LMNTD1: variants seen among roughly 807,000 people sequenced by gnomAD.
LMNTD1 encodes lamin tail domain containing 1.
LMNTD1 carries 35 observed loss-of-function variants against 50.9 expected under a neutral mutation model. The ratio of observed to expected loss-of-function variants is 0.69; its 90% CI spans 0.53 to 0.91. The LOEUF (loss-of-function observed/expected upper bound fraction) is 0.91, where lower values mean the gene tolerates loss of function less well. Ranked by LOEUF, LMNTD1 falls within the 40% of genes least tolerant of loss-of-function variation. The pLI, the probability that LMNTD1 is intolerant of heterozygous loss-of-function variation, is 0.00. For missense variants in LMNTD1, 470 were observed against 475.5 expected, an observed-to-expected ratio of 0.99 and a Z score of 0.11; for synonymous variants, 153 against 161.9, an observed-to-expected ratio of 0.94 and a Z score of 0.42.
intron 9 of LMNTD1, among the ~76,000 whole-genome samples, chr12:25,487,167 G>C (rs11502715): frequency 7.2e-6 from 1 of 139,292 alleles, no homozygotes; most frequent in African/African-American, 2.7e-5. Context: ...GTGCAGAGCT[G>C]AGTTCAATTC....
chr12:25,626,882 A>G (rs1373770612), intron 1 of LMNTD1, among the ~76,000 whole-genome samples: 5 of 152,238 alleles, frequency 3.3e-5, no homozygotes, highest in African/African-American at 9.6e-5. Flanking sequence ...TCCTTGATCA[A>G]AAAGATTTAT....
chr12:25,588,829 C>T (rs1945615868), intron 1 of LMNTD1, among the ~76,000 whole-genome samples: 1 of 151,784 alleles, frequency 6.6e-6, no homozygotes, highest in African/African-American at 2.4e-5. Flanking sequence ...GTCAAATACT[C>T]AGAAGAAAAT....
chr12:25,506,938 G>C (rs1387650845), intron 8 of LMNTD1, among the ~76,000 whole-genome samples: 7 of 151,988 alleles, frequency 4.6e-5, no homozygotes, highest in Non-Finnish European at 8.8e-5. Context: ...GGAGTGTAAT[G>C]ATGCGATCTT....
intron 1 of LMNTD1, among the ~76,000 whole-genome samples, chr12:25,598,853 TA>T (rs767088603): frequency 1.3e-5 from 2 of 151,488 alleles, no homozygotes; most frequent in African/African-American, 2.4e-5. Context: ...ATTGAAGCCA[TA>T]AAAAAAATGT....
chr12:25,566,050 T>C (rs1320214918), intron 1 of LMNTD1, among the ~76,000 whole-genome samples: 2 of 152,168 alleles, frequency 1.3e-5, no homozygotes, highest in Admixed American at 6.5e-5. Context: ...GGGAGTTTGA[T>C]TATTAAATAC....
In LMNTD1 at chr12:25,648,418, T is replaced by C; in HGVS notation, c.58+76A>G. 3.5e-6 allele frequency: 4 copies of C among 1,143,538 alleles called. No homozygotes were observed. The South Asian group carries it at 4.0e-5, about 11-fold the overall frequency. 70.8% of individuals were successfully genotyped at this position (1,143,538 alleles called of 1,614,324 possible). On this transcript the variant is annotated intron_variant, in intron 1 of 7. Transcript: ENST00000445693. ...TATGACCACTTTCTAAAGTGTCAGG[T>C]GTTAGTATAAAAAGGAAATGAGGGA...
At chr12:25,539,635 A>G (rs1369150796) in intron 4 of LMNTD1, among the ~76,000 whole-genome samples, 4 of 151,820 alleles carry the variant, frequency 2.6e-5, no homozygotes, top group Non-Finnish European at 4.4e-5. Context: ...AAGATCCAAA[A>G]TTGATACCCT....
intron 1 of LMNTD1, among the ~76,000 whole-genome samples, chr12:25,610,448 C>T (rs746041253): frequency 2.0e-5 from 3 of 152,180 alleles, no homozygotes; most frequent in Non-Finnish European, 4.4e-5. Flanking sequence ...CAGACCGGAG[C>T]TGTTCCTATT....
chr12:25,544,252 T>C (rs963401702), intron 4 of LMNTD1, among the ~76,000 whole-genome samples: 1 of 151,938 alleles, frequency 6.6e-6, no homozygotes, highest in African/African-American at 2.4e-5. Flanking sequence ...AGCTTTGGTG[T>C]GGGGTGTACA....
intron 1 of LMNTD1, among the ~76,000 whole-genome samples, chr12:25,615,485 A>G (rs944613068): frequency 2.6e-5 from 4 of 151,356 alleles, no homozygotes; most frequent in Non-Finnish European, 5.9e-5. Context: ...ACATGGTCTC[A>G]CTCTTTACTC....
At chr12:25,489,765 A>G (rs181411406) in intron 9 of LMNTD1, among the ~76,000 whole-genome samples, 1 of 152,340 alleles carries the variant, frequency 6.6e-6, no homozygotes, top group African/African-American at 2.4e-5. Context: ...GAAAAATAAA[A>G]AGGTGAATGA....
intron 8 of LMNTD1, among the ~76,000 whole-genome samples, chr12:25,507,869 T>A (rs1939933823): frequency 6.6e-6 from 1 of 152,256 alleles, no homozygotes; most frequent in African/African-American, 2.4e-5. Context: ...TGGAAATGAC[T>A]GAGCTATGAC....
chr12:25,536,116 C>T (rs1049844268), intron 4 of LMNTD1, among the ~76,000 whole-genome samples: 2 of 152,064 alleles, frequency 1.3e-5, no homozygotes. Context: ...AGGGAGAAAT[C>T]AACAAATCCA....
chr12:25,529,202 C>T (rs1328657222), intron 4 of LMNTD1, among the ~76,000 whole-genome samples: 1 of 152,156 alleles, frequency 6.6e-6, no homozygotes, highest in Non-Finnish European at 1.5e-5. Context: ...TCACCCAGCC[C>T]CTTCACGCAT....
At chr12:25,496,715 G>GC (rs1939083953) in intron 9 of LMNTD1, among the ~76,000 whole-genome samples, 1 of 152,118 alleles carries the variant, frequency 6.6e-6, no homozygotes, top group Non-Finnish European at 1.5e-5. Context: ...TATTTTATTA[G>GC]AAGTACTTTG....
chr12:25,610,471 A>G (rs1030637405), intron 1 of LMNTD1, among the ~76,000 whole-genome samples: 1 of 152,162 alleles, frequency 6.6e-6, no homozygotes, highest in African/African-American at 2.4e-5. Context: ...GCCATCTTGG[A>G]ATGGACCCCG....
In LMNTD1 at chr12:25,538,249, G is replaced by A. The variant is rs1033533469; in HGVS notation, c.491+8125C>T. Among the ~76,000 whole-genome samples, 6 of 113,584 alleles carry A rather than the reference G, an allele frequency of 5.3e-5. 1 individual carries two copies. The highest frequency in any genetic ancestry group is 1.8e-4 in the African/African-American group (6 of 32,570). 74.5% of individuals were successfully genotyped at this position (113,584 alleles called of 152,430 possible). On this transcript the variant is annotated intron_variant, in intron 4 of 9. Transcript: ENST00000458174. ...GCCACAAAGATACTCCTCGAGACGA[G>A]CAACTCCAAGACACATAATCGTCAG...
At chr12:25,558,300 T>G (rs1944123563) in intron 1 of LMNTD1, among the ~76,000 whole-genome samples, 2 of 152,214 alleles carry the variant, frequency 1.3e-5, no homozygotes, top group Admixed American at 1.3e-4. Flanking sequence ...TCTTTATTAT[T>G]TCTTCTACTG....
At chr12:25,479,015 T>C (rs1302559522) in intron 9 of LMNTD1, among the ~76,000 whole-genome samples, 1 of 152,160 alleles carries the variant, frequency 6.6e-6, no homozygotes, top group Non-Finnish European at 1.5e-5. Flanking sequence ...AGAGATGCCC[T>C]AAGGGATCTC....
Sources: gnomAD v4.1 joint callset for allele counts (sites outside exome capture counted in the v4.1 genomes callset) on GRCh38, gnomAD v4.1.1 for gene constraint, MANE v1.5 for transcripts, NCBI Gene and HGNC (gene_info 2026-07-23, HGNC 2026-07-21) for gene names.